The following PTPRT variants were observed in gnomAD, a reference collection of about 807,000 sequenced individuals.
PTPRT encodes the protein receptor-type tyrosine-protein phosphatase T.
A neutral mutation model predicts 176.8 loss-of-function variants in PTPRT; 56 were observed. The observed-to-expected ratio is 0.32, with a 90% CI of 0.26 to 0.40. PTPRT has a LOEUF of 0.40. Ranked by LOEUF, PTPRT falls within the 10% of genes least tolerant of loss-of-function variation. The probability of loss-of-function intolerance (pLI) is 1.00; values close to 1 mark genes in which losing one functional copy is unlikely to be tolerated. For synonymous variants in PTPRT, 783 were observed against 739.0 expected (o/e 1.06, Z -0.96); for missense variants, 1,540 against 1,908.2 (o/e 0.81, Z 3.60).
At chr20:42,228,410 C>T (rs1413100825) in intron 15 of PTPRT, among the ~76,000 whole-genome samples, 2 of 152,212 alleles carry the variant, frequency 1.3e-5, no homozygotes, top group African/African-American at 4.8e-5. Context: ...AACAATAAAG[C>T]ATCCGTTCAG....
intron 7 of PTPRT, among the ~76,000 whole-genome samples, chr20:42,611,442 G>A (rs1218145771): frequency 6.6e-6 from 1 of 152,182 alleles, no homozygotes; most frequent in Non-Finnish European, 1.5e-5. Context: ...CCATCCCAAT[G>A]TACAGATCAC....
chr20:42,452,134 T>C (rs34711116), intron 8 of PTPRT, among the ~76,000 whole-genome samples: 2 of 151,932 alleles, frequency 1.3e-5, no homozygotes, highest in East Asian at 3.9e-4. Context: ...CTGGGTATGG[T>C]GGCGCGCACC....
At chr20:42,616,421 G>A (rs1447887686) in intron 7 of PTPRT, among the ~76,000 whole-genome samples, 1 of 123,440 alleles carries the variant, frequency 8.1e-6, no homozygotes, top group Non-Finnish European at 1.7e-5. Context: ...GGCGATGCGG[G>A]CTCTTTTTTG....
Position 42,865,369 on chromosome 20 carries a change from C to T in PTPRT, c.214+20438G>A, listed in dbSNP as rs147464893. 4.5e-3 allele frequency among the ~76,000 whole-genome samples: 689 copies of T among 152,286 alleles called. 6 individuals are homozygous for T. Among genetic ancestry groups the T allele is most frequent in the African/African-American group, 0.016 (653 of 41,554 alleles). ...GAACCACAAGTGTATGTTTCAGCCA[C>T]CTCAGATTTTCTGTTTCCTTTAAAT... is the stretch of plus-strand genomic sequence containing the variant. On this transcript the variant is annotated intron_variant, in intron 2 of 30. Transcript: ENST00000373187.
chr20:42,470,582 G>A (rs1281277494), intron 8 of PTPRT, among the ~76,000 whole-genome samples: 2 of 152,028 alleles, frequency 1.3e-5, no homozygotes, highest in African/African-American at 4.8e-5. Flanking sequence ...ACTGAAATAT[G>A]GTCATGGGGA....
chr20:42,605,347 G>A (rs1439769263), intron 7 of PTPRT, among the ~76,000 whole-genome samples: 2 of 152,134 alleles, frequency 1.3e-5, no homozygotes, highest in Non-Finnish European at 1.5e-5. Flanking sequence ...AGGGGGGCCT[G>A]GTAACACTGA....
At position 42,572,804 on chromosome 20, in the gene PTPRT, A is replaced by C. The variant is rs62203789; in HGVS notation, c.1154-100242T>G. 9.3e-3 allele frequency among the ~76,000 whole-genome samples: 1,409 copies of C among 152,266 alleles called. 15 individuals are homozygous for C. Among genetic ancestry groups the C allele is most frequent in the Middle Eastern group, 0.024 (7 of 294 alleles). ...ACACACCTGTGTAAACACCACCTGGAGCAATAAAACATTCTCTGCCTTCTC... is the reference window on the plus strand; with the variant it reads ...ACACACCTGTGTAAACACCACCTGGCGCAATAAAACATTCTCTGCCTTCTC... On this transcript the variant is annotated intron_variant, in intron 7 of 30. Transcript: ENST00000373187.
At position 42,181,421 on chromosome 20, in the gene PTPRT, G is replaced by A. The variant is rs112529232; in HGVS notation, c.2491+17819C>T. ...TGGGGCCTTTAGAACTGATGACTAG[G>A]ACAAAGATACAAGGATTAGGACTTT... On this transcript the variant is annotated intron_variant, in intron 16 of 30. Transcript: ENST00000373187. Among the ~76,000 whole-genome samples the A allele has an allele frequency of 3.6e-3, 550 of 152,208 alleles. 5 individuals are homozygous for A. The highest frequency in any genetic ancestry group is 0.012 in the African/African-American group (504 of 41,526).
At chr20:42,067,583 T>A in the PTPRT span, among the ~76,000 whole-genome samples, 1 of 152,160 alleles carries the variant, frequency 6.6e-6, no homozygotes, top group African/African-American at 2.4e-5. Flanking sequence ...TACTGTCTAT[T>A]GGGTAGGCTC....
chr20:42,749,137 G>A (rs1160787201), intron 6 of PTPRT, among the ~76,000 whole-genome samples: 1 of 152,136 alleles, frequency 6.6e-6, no homozygotes, highest in Non-Finnish European at 1.5e-5. Context: ...TGGATGCAGA[G>A]ATCCCACCTT....
At chr20:42,881,748 A>AAAAAAAG (rs2079015135) in intron 2 of PTPRT, among the ~76,000 whole-genome samples, 3 of 148,326 alleles carry the variant, frequency 2.0e-5, no homozygotes, top group African/African-American at 7.6e-5. Context: ...AAAAAAAAAA[A>AAAAAAAG]AGAGAGAGAG....
At chr20:42,341,620 G>A (rs2058112742) in intron 11 of PTPRT, among the ~76,000 whole-genome samples, 1 of 151,998 alleles carries the variant, frequency 6.6e-6, no homozygotes, top group African/African-American at 2.4e-5. Context: ...CTCCCAGGAT[G>A]AGGTCATCCA....
At chr20:42,200,381 C>T (rs564424067) in intron 15 of PTPRT, among the ~76,000 whole-genome samples, 37 of 152,316 alleles carry the variant, frequency 2.4e-4, no homozygotes, top group Non-Finnish European at 4.3e-4. Context: ...GTGCCTCGCA[C>T]ATAGTGGACA....
At chr20:42,797,036 CTTCTT>C (rs2077464444) in intron 2 of PTPRT, among the ~76,000 whole-genome samples, 1 of 152,178 alleles carries the variant, frequency 6.6e-6, no homozygotes, top group African/African-American at 2.4e-5. Context: ...TCAAAAACAG[CTTCTT>C]TTCTATCTTT....
intron 16 of PTPRT, among the ~76,000 whole-genome samples, chr20:42,196,961 G>A (rs1360028016): frequency 6.6e-6 from 1 of 152,150 alleles, no homozygotes; most frequent in Non-Finnish European, 1.5e-5. Context: ...GATGTAAAGG[G>A]AAGTACGTCA....
intron 18 of PTPRT, among the ~76,000 whole-genome samples, chr20:42,139,602 A>C (rs1293357744): frequency 6.6e-6 from 1 of 152,236 alleles, no homozygotes; most frequent in Non-Finnish European, 1.5e-5. Flanking sequence ...TTAACCCTTC[A>C]GGATTTGCAG....
At chr20:42,854,209 T>C (rs1012193771) in intron 2 of PTPRT, among the ~76,000 whole-genome samples, 6 of 152,186 alleles carry the variant, frequency 3.9e-5, no homozygotes, top group African/African-American at 1.4e-4. Flanking sequence ...TCCTTTTATT[T>C]GTTCATTCAT....
intron 1 of PTPRT, among the ~76,000 whole-genome samples, chr20:43,135,461 G>C (rs1407414211): frequency 2.0e-5 from 3 of 152,192 alleles, no homozygotes; most frequent in East Asian, 1.9e-4. Context: ...ACTCAGAAGA[G>C]AGATGAGTCA....
At chr20:42,832,647 T>C (rs2078108996) in intron 2 of PTPRT, among the ~76,000 whole-genome samples, 1 of 147,124 alleles carries the variant, frequency 6.8e-6, no homozygotes. Context: ...AAATAAAAAT[T>C]GCAATAGATG....
Sources: gnomAD v4.1 joint callset for allele counts (sites outside exome capture counted in the v4.1 genomes callset) on GRCh38, gnomAD v4.1.1 for gene constraint, MANE v1.5 for transcripts, NCBI Gene and HGNC (gene_info 2026-07-23, HGNC 2026-07-21) for gene names.